UNC13C: variants seen among roughly 807,000 people sequenced by gnomAD.
The protein encoded by UNC13C is protein unc-13 homolog C.
Under a neutral mutation model 245.4 loss-of-function variants are expected in UNC13C, and 174 were observed. That is an observed-to-expected ratio of 0.71 (90% CI 0.63 to 0.80). The LOEUF (loss-of-function observed/expected upper bound fraction) is 0.80. Among genes scored for constraint, UNC13C ranks in the 30% least tolerant of loss-of-function variants. The pLI is 0.00. For missense variants in UNC13C, 2,829 were observed against 2,602.9 expected (o/e 1.09, Z -1.89); for synonymous variants, 992 against 895.1 (o/e 1.11, Z -1.93).
In UNC13C at chr15:54,478,966, C is replaced by A. The variant is rs887623766; in HGVS notation, c.4934-15642C>A. ...AGTCTAAGTCTCTTTGTAGGTCATTCAGGACTTGCTTTATGAATCTGGGTG... is the reference window on the plus strand; with the variant it reads ...AGTCTAAGTCTCTTTGTAGGTCATTAAGGACTTGCTTTATGAATCTGGGTG... On this transcript the variant is annotated intron_variant, in intron 19 of 32. Coordinates refer to ENST00000260323, the MANE Select transcript of UNC13C (RefSeq NM_001080534.3). Among the ~76,000 whole-genome samples the A allele has an allele frequency of 2.6e-5, 4 of 151,614 alleles. No individual in the cohort carries two copies. The East Asian group carries it at 7.7e-4, about 29-fold the overall frequency.
intron 17 of UNC13C, among the ~76,000 whole-genome samples, chr15:54,363,985 A>G (rs2039298030): frequency 6.6e-6 from 1 of 152,238 alleles, no homozygotes; most frequent in Non-Finnish European, 1.5e-5. Flanking sequence ...TGCAAATTAA[A>G]AATTCATGGT....
chr15:54,361,864 C>T (rs891543153), intron 17 of UNC13C, among the ~76,000 whole-genome samples: 1 of 152,188 alleles, frequency 6.6e-6, no homozygotes, highest in Non-Finnish European at 1.5e-5. Context: ...ATAGAGAGTA[C>T]AAGAACTTAA....
intron 2 of UNC13C, among the ~76,000 whole-genome samples, chr15:54,121,614 AG>A (rs1303448886): frequency 2.0e-5 from 3 of 152,096 alleles, no homozygotes; most frequent in Admixed American, 6.6e-5. Flanking sequence ...GATATTTAAT[AG>A]GGCAATGATG....
At chr15:54,133,281 C>G (rs144560066) in intron 2 of UNC13C, among the ~76,000 whole-genome samples, 24 of 152,236 alleles carry the variant, frequency 1.6e-4, no homozygotes, top group African/African-American at 4.8e-4. Flanking sequence ...TGGGGATGCT[C>G]ACACAAGAAC....
chr15:54,352,320 A>G (rs1427084051), intron 17 of UNC13C, among the ~76,000 whole-genome samples: 5 of 132,954 alleles, frequency 3.8e-5, no homozygotes, highest in African/African-American at 1.4e-4. Flanking sequence ...TATATTTTAT[A>G]TAAATATAAT....
intron 17 of UNC13C, among the ~76,000 whole-genome samples, chr15:54,384,289 TG>T (rs1390910648): frequency 6.6e-6 from 1 of 152,106 alleles, no homozygotes; most frequent in Non-Finnish European, 1.5e-5. Context: ...CATGACAGCA[TG>T]GTATTTGTAT....
At chr15:54,577,894 G>C (rs902600128) in intron 30 of UNC13C, among the ~76,000 whole-genome samples, 18 of 152,076 alleles carry the variant, frequency 1.2e-4, no homozygotes, top group African/African-American at 4.3e-4. Context: ...TCCTTCATAT[G>C]GGTCAAAGAT....
At chr15:54,529,550 T>C (rs1269318780) in intron 25 of UNC13C, among the ~76,000 whole-genome samples, 4 of 152,184 alleles carry the variant, frequency 2.6e-5, no homozygotes, top group Non-Finnish European at 5.9e-5. Flanking sequence ...AGAACAGTGA[T>C]TGGCACATAA....
chr15:54,598,665 A>G (rs1295051806), intron 30 of UNC13C, among the ~76,000 whole-genome samples: 2 of 150,666 alleles, frequency 1.3e-5, no homozygotes, highest in Non-Finnish European at 3.0e-5. Context: ...GTCAATTTCT[A>G]TTAATTTGAT....
At chr15:54,018,488 G>A (rs1390415574) in intron 2 of UNC13C, among the ~76,000 whole-genome samples, 2 of 152,212 alleles carry the variant, frequency 1.3e-5, no homozygotes. Flanking sequence ...TGATGATAAT[G>A]TTTCAGAGAA....
At chr15:54,454,569 G>GAA (rs77289011) in intron 19 of UNC13C, among the ~76,000 whole-genome samples, 51 of 46,318 alleles carry the variant, frequency 1.1e-3, no homozygotes, top group Admixed American at 2.1e-3. Context: ...CAATAGTGGG[G>GAA]GAAAAAAAAA....
chr15:53,915,979 T>C, the UNC13C span, among the ~76,000 whole-genome samples: 1 of 152,242 alleles, frequency 6.6e-6, no homozygotes. Flanking sequence ...TAGGGTTCTT[T>C]TGTAATTTTT....
chr15:54,113,013 T>C (rs1251128496), intron 2 of UNC13C, among the ~76,000 whole-genome samples: 1 of 152,212 alleles, frequency 6.6e-6, no homozygotes, highest in Non-Finnish European at 1.5e-5. Flanking sequence ...AATAGTGTTT[T>C]TCAGGTTAAA....
chr15:54,605,019 C>A (rs1174569746), intron 30 of UNC13C, among the ~76,000 whole-genome samples: 1 of 152,146 alleles, frequency 6.6e-6, no homozygotes, highest in Admixed American at 6.5e-5. Flanking sequence ...TTCCTCATCT[C>A]CAAAGGATGC....
the UNC13C span, among the ~76,000 whole-genome samples, chr15:53,951,235 G>A: frequency 5.3e-5 from 8 of 152,216 alleles, no homozygotes; most frequent in African/African-American, 1.7e-4. Context: ...CATCAGAAAT[G>A]CCCTGACAGG....
intron 2 of UNC13C, among the ~76,000 whole-genome samples, chr15:54,059,513 C>A (rs1897704889): frequency 6.6e-6 from 1 of 152,126 alleles, no homozygotes; most frequent in Admixed American, 6.5e-5. Flanking sequence ...TAGGAAGAAT[C>A]AATATCGTGA....
Position 54,164,081 on chromosome 15 carries a change from A to G in UNC13C, c.3071+20397A>G, listed in dbSNP as rs1385953633. Reference sequence around the variant, plus strand: ...GATGCTTGTGTTATTTTGCTTGACTATAGTAACCATTTCATTATGTGTAAG... The same window carrying G: ...GATGCTTGTGTTATTTTGCTTGACTGTAGTAACCATTTCATTATGTGTAAG... On this transcript the variant is annotated intron_variant, in intron 4 of 32. Transcript: ENST00000260323. Among the ~76,000 whole-genome samples the G allele has an allele frequency of 3.3e-5, 5 of 152,300 alleles. No homozygotes were observed. The East Asian group carries it at 7.7e-4, about 24-fold the overall frequency.
chr15:53,891,423 A>G, the UNC13C span, among the ~76,000 whole-genome samples: 24,521 of 151,660 alleles, frequency 0.16, 2,073 homozygotes, highest in South Asian at 0.2. Context: ...ATCCTTGTTA[A>G]TTTTCTGTCT....
rs1229494637 is a variant in UNC13C at position 54,338,382 on chromosome 15, C to G, written c.4606C>G (p.Pro1536Ala). The change falls in exon 17 of 33, where the codon CCA becomes GCA. Residue 1536 changes from proline (P) to alanine (A), a missense_variant. Pro to Ala is a conservative substitution (Grantham distance 27). Coordinates refer to ENST00000260323, the MANE Select transcript of UNC13C (RefSeq NM_001080534.3). ...RMKVLELQSPPKASMVVKDCV... is the reference protein window; with the variant it reads ...RMKVLELQSPAKASMVVKDCV... ...TCAGGTTCTGGAGCTGCAAAGCCCC[C>G]CAAAAGCGAGCATGGTGGTGAAGGA... 4 of 1,612,504 alleles carry G rather than the reference C, an allele frequency of 2.5e-6. No individual in the cohort carries two copies. In the South Asian group the frequency reaches 3.3e-5, roughly 13 times the overall value.
Sources: allele counts gnomAD v4.1 joint callset (sites outside exome capture counted in the v4.1 genomes callset), GRCh38; gene constraint gnomAD v4.1.1; transcripts MANE v1.5; gene names NCBI Gene and HGNC (gene_info 2026-07-23, HGNC 2026-07-21).